DLGAP2: variants seen among roughly 807,000 people sequenced by gnomAD.
DLGAP2 encodes DLG associated protein 2, also known as disks large-associated protein 2.
Under a neutral mutation model 100.3 loss-of-function variants are expected in DLGAP2, and 26 were observed. The ratio of observed to expected loss-of-function variants is 0.26; its 90% CI spans 0.19 to 0.36. The LOEUF is 0.36. Among genes scored for constraint, DLGAP2 ranks in the 10% least tolerant of loss-of-function variants. The pLI, the probability that DLGAP2 is intolerant of heterozygous loss-of-function variation, is 1.00. For missense variants in DLGAP2, 1,858 were observed against 1,453.2 expected (o/e 1.28, Z -4.53); for synonymous variants, 886 against 630.1 (o/e 1.41, Z -6.08).
chr8:1,412,739 T>C (rs182990005), intron 3 of DLGAP2, among the ~76,000 whole-genome samples: 79 of 152,356 alleles, frequency 5.2e-4, no homozygotes, highest in African/African-American at 1.9e-3. Flanking sequence ...GCAAGACCTC[T>C]ACAGGCAAAA....
chr8:807,091 C>T (rs186651675), intron 1 of DLGAP2, among the ~76,000 whole-genome samples: 6 of 152,346 alleles, frequency 3.9e-5, no homozygotes, highest in African/African-American at 9.6e-5. Flanking sequence ...GATTCTGCCA[C>T]GCACTTCTGT....
intron 2 of DLGAP2, among the ~76,000 whole-genome samples, chr8:1,143,095 G>C (rs962830431): frequency 6.6e-6 from 1 of 152,196 alleles, no homozygotes. Context: ...CCAGCTGCTT[G>C]ATGTTAGCGC....
chr8:1,316,345 G>T, intron 3 of DLGAP2, among the ~76,000 whole-genome samples: 2 of 132,618 alleles, frequency 1.5e-5, no homozygotes, highest in African/African-American at 5.9e-5. Flanking sequence ...GAGCCTGTGC[G>T]AGTGCAGCGT....
chr8:1,477,848 A>G (rs1484426324), intron 3 of DLGAP2, among the ~76,000 whole-genome samples: 2 of 151,936 alleles, frequency 1.3e-5, no homozygotes, highest in African/African-American at 4.8e-5. Flanking sequence ...CATGGAATGA[A>G]TAGACCTGAT....
intron 3 of DLGAP2, among the ~76,000 whole-genome samples, chr8:1,360,067 C>A (rs1801945007): frequency 6.6e-6 from 1 of 152,182 alleles, no homozygotes; most frequent in Non-Finnish European, 1.5e-5. Flanking sequence ...CATCCCCGTC[C>A]ACTGAGGAAA....
chr8:1,616,774 A>T (rs1270085127), intron 6 of DLGAP2, among the ~76,000 whole-genome samples: 1 of 146,738 alleles, frequency 6.8e-6, no homozygotes, highest in Non-Finnish European at 1.5e-5. Flanking sequence ...GTACATGCAC[A>T]GATTTGTGAT....
intron 2 of DLGAP2, among the ~76,000 whole-genome samples, chr8:1,098,577 C>T (rs1470288453): frequency 6.7e-6 from 1 of 149,740 alleles, no homozygotes; most frequent in African/African-American, 2.4e-5. Context: ...CACCCACAGA[C>T]GCCGCGACCC....
At chr8:1,539,436 C>G (rs2130484700) in intron 4 of DLGAP2, among the ~76,000 whole-genome samples, 1 of 152,284 alleles carries the variant, frequency 6.6e-6, no homozygotes, top group Middle Eastern at 3.4e-3. Context: ...ATGGACGGCT[C>G]TAATCTCGGT....
intron 6 of DLGAP2, among the ~76,000 whole-genome samples, chr8:1,625,474 T>A (rs998669497): frequency 1.3e-5 from 2 of 152,222 alleles, no homozygotes; most frequent in Admixed American, 6.5e-5. Flanking sequence ...TAAGGGAGTT[T>A]GGAAGAAAAC....
At chr8:932,557 G>C (rs1262833745) in intron 2 of DLGAP2, among the ~76,000 whole-genome samples, 1 of 152,196 alleles carries the variant, frequency 6.6e-6, no homozygotes, top group Non-Finnish European at 1.5e-5. Flanking sequence ...AGTATTTCAA[G>C]ATTTTGATCA....
chr8:1,252,359 C>T (rs1799064689), intron 2 of DLGAP2, among the ~76,000 whole-genome samples: 2 of 144,092 alleles, frequency 1.4e-5, no homozygotes, highest in African/African-American at 4.9e-5. Flanking sequence ...TCATGTCACA[C>T]TTGCCACACT....
At position 1,527,902 on chromosome 8, in the gene DLGAP2, C is replaced by T. The variant is rs17064050; in HGVS notation, c.173-20724C>T. Among the ~76,000 whole-genome samples the T allele has an allele frequency of 7.5e-3, 1,141 of 151,788 alleles. 11 individuals carry two copies. The highest frequency in any genetic ancestry group is 0.026 in the African/African-American group (1,083 of 41,380). On this transcript the variant is annotated intron_variant, in intron 4 of 14. Transcript: ENST00000637795. ...ATACACAGCTCATCTTTATGTTCAA[C>T]TATGCTTTTAAGTATCTGCAAAAAA...
At chr8:958,412 G>A (rs973391021) in intron 2 of DLGAP2, among the ~76,000 whole-genome samples, 7 of 152,006 alleles carry the variant, frequency 4.6e-5, no homozygotes, top group African/African-American at 1.2e-4. Flanking sequence ...CATCTCCCTC[G>A]GGAATGACCT....
rs538431401 is a variant in DLGAP2, at chr8:1,557,558, G to C, written c.1230+7875G>C. ...CACCGAGGCAAGGAGTGGCCGTCCT[G>C]CCTTCATGCCGCCAGCCTGGGTGGT... On this transcript the variant is annotated intron_variant, in intron 5 of 14. Coordinates refer to ENST00000637795, the MANE Select transcript of DLGAP2 (RefSeq NM_001346810.2). 1.7e-4 allele frequency among the ~76,000 whole-genome samples: 26 copies of C among 152,238 alleles called. 1 individual carries two copies. Among genetic ancestry groups the C allele is most frequent in the Admixed American group, 1.0e-3 (16 of 15,298 alleles).
intron 2 of DLGAP2, among the ~76,000 whole-genome samples, chr8:963,556 C>G (rs1015774035): frequency 2.0e-5 from 3 of 152,118 alleles, no homozygotes; most frequent in Non-Finnish European, 2.9e-5. Flanking sequence ...TAATTCCTCT[C>G]AACACAACGT....
intron 1 of DLGAP2, among the ~76,000 whole-genome samples, chr8:816,133 G>C (rs535208987): frequency 2.0e-5 from 3 of 152,288 alleles, no homozygotes; most frequent in African/African-American, 7.2e-5. Context: ...GAAGACAGCA[G>C]AAACTTGGTT....
chr8:1,339,745 C>T (rs1210986496), intron 3 of DLGAP2, among the ~76,000 whole-genome samples: 1 of 152,198 alleles, frequency 6.6e-6, no homozygotes, highest in Admixed American at 6.5e-5. Context: ...GAGGAGCCAC[C>T]TGCCCTGCGC....
chr8:946,248 GAGAAT>G (rs1473559398), intron 2 of DLGAP2, among the ~76,000 whole-genome samples: 1 of 151,684 alleles, frequency 6.6e-6, no homozygotes, highest in Admixed American at 6.6e-5. Context: ...GTGCTTCTGT[GAGAAT>G]AGTGCTGTTT....
intron 3 of DLGAP2, among the ~76,000 whole-genome samples, chr8:1,361,109 G>C (rs1486875470): frequency 6.6e-6 from 1 of 152,226 alleles, no homozygotes; most frequent in African/African-American, 2.4e-5. Context: ...TGATGGTGCA[G>C]ACGAGCTGAG....
Sources: gnomAD v4.1 joint callset for allele counts (sites outside exome capture counted in the v4.1 genomes callset) on GRCh38, gnomAD v4.1.1 for gene constraint, MANE v1.5 for transcripts, NCBI Gene and HGNC (gene_info 2026-07-23, HGNC 2026-07-21) for gene names.